XYLT1: variants seen among roughly 807,000 people sequenced by gnomAD.
XYLT1 encodes beta-D-xylosyltransferase 1.
XYLT1 carries 36 observed loss-of-function variants against 91.3 expected under a neutral mutation model. The observed-to-expected ratio is 0.39, with a 90% confidence interval of 0.30 to 0.52. The LOEUF is 0.52. Ranked by LOEUF, XYLT1 falls within the 20% of genes least tolerant of loss-of-function variation. The pLI, the probability that XYLT1 is intolerant of heterozygous loss-of-function variation, is 0.68. For synonymous variants in XYLT1, 588 were observed against 532.0 expected, an observed-to-expected ratio of 1.11 and a Z score of -1.45; for missense variants, 1,242 against 1,284.5, an observed-to-expected ratio of 0.97 and a Z score of 0.51.
At chr16:17,134,410 C>G in intron 9 of XYLT1, 63 bp downstream of exon 9, 3 of 1,590,334 alleles carry the variant, frequency 1.9e-6, no homozygotes, top group African/African-American at 1.3e-5. Context: ...GACCCCCACT[C>G]TGTACCCTGA....
intron 10 of XYLT1, among the ~76,000 whole-genome samples, chr16:17,125,824 T>G (rs1481146315): frequency 6.6e-6 from 1 of 152,176 alleles, no homozygotes; most frequent in Non-Finnish European, 1.5e-5. Context: ...CTGGTTTGTT[T>G]GGTTCACCAC....
At chr16:17,436,411 G>A (rs992945980) in intron 1 of XYLT1, among the ~76,000 whole-genome samples, 2 of 151,964 alleles carry the variant, frequency 1.3e-5, no homozygotes, top group African/African-American at 4.8e-5. Flanking sequence ...CCATGATATC[G>A]CCTTGCTTTC....
intron 2 of XYLT1, among the ~76,000 whole-genome samples, chr16:17,267,131 G>T (rs1173357085): frequency 6.6e-6 from 1 of 152,224 alleles, no homozygotes; most frequent in East Asian, 1.9e-4. Flanking sequence ...GAGTGAGACT[G>T]ATAGGGCTGG....
In XYLT1 at chr16:17,106,619, A is replaced by G. The variant is rs932342683; in HGVS notation, c.*2076T>C. Reference sequence around the variant, plus strand: ...GAAGGCAACCACGGAGCAAGCAGGAATGGCCCAAACTCTCTGCAGCTAGCA... The same window carrying G: ...GAAGGCAACCACGGAGCAAGCAGGAGTGGCCCAAACTCTCTGCAGCTAGCA... On this transcript the variant is annotated 3_prime_UTR_variant, in exon 12 of 12. Coordinates refer to ENST00000261381, the MANE Select transcript of XYLT1 (RefSeq NM_022166.4). The G allele has an allele frequency of 1.3e-5, 2 of 152,150 alleles. No individual in the cohort carries two copies. Among genetic ancestry groups the G allele is most frequent in the African/African-American group, 2.4e-5 (1 of 41,402 alleles). 9.4% of individuals were successfully genotyped at this position (152,150 alleles called of 1,614,324 possible).
intron 2 of XYLT1, among the ~76,000 whole-genome samples, chr16:17,339,782 T>A (rs2035038734): frequency 6.6e-6 from 1 of 152,146 alleles, no homozygotes; most frequent in African/African-American, 2.4e-5. Flanking sequence ...TAGGAATTTT[T>A]AAAAAATGAA....
intron 2 of XYLT1, among the ~76,000 whole-genome samples, chr16:17,354,259 G>A (rs57745188): frequency 0.013 from 1,929 of 152,222 alleles, 54 homozygotes; most frequent in African/African-American, 0.044. Context: ...AACCTTCCTC[G>A]GCTTCCTCAT....
At chr16:17,230,107 T>A (rs1008565880) in intron 3 of XYLT1, among the ~76,000 whole-genome samples, 9 of 152,222 alleles carry the variant, frequency 5.9e-5, no homozygotes, top group Admixed American at 5.2e-4. Context: ...ACCCTGCTCA[T>A]GCCTTGAGTG....
chr16:17,307,833 G>T (rs1346716272), intron 2 of XYLT1, among the ~76,000 whole-genome samples: 1 of 152,174 alleles, frequency 6.6e-6, no homozygotes, highest in African/African-American at 2.4e-5. Flanking sequence ...ACCCAGCAGG[G>T]GTAAGCACAG....
chr16:17,216,559 G>A (rs963376733), intron 3 of XYLT1, among the ~76,000 whole-genome samples: 1 of 146,632 alleles, frequency 6.8e-6, no homozygotes, highest in Non-Finnish European at 1.5e-5. Context: ...ATGCTGTCAC[G>A]TCACATAATG....
chr16:17,186,794 C>T (rs534132965), intron 5 of XYLT1, among the ~76,000 whole-genome samples: 6 of 152,290 alleles, frequency 3.9e-5, no homozygotes, highest in Admixed American at 6.5e-5. Flanking sequence ...GAGTCTGGCT[C>T]AGCCTGTCTT....
At chr16:17,277,910 T>A (rs888045252) in intron 2 of XYLT1, among the ~76,000 whole-genome samples, 11 of 152,068 alleles carry the variant, frequency 7.2e-5, no homozygotes, top group Non-Finnish European at 1.5e-4. Context: ...TCTCAGCAGG[T>A]TTATGAGCCA....
At chr16:17,403,111 C>G (rs946654091) in intron 1 of XYLT1, among the ~76,000 whole-genome samples, 1 of 152,196 alleles carries the variant, frequency 6.6e-6, no homozygotes, top group Non-Finnish European at 1.5e-5. Flanking sequence ...AAACAAGTAA[C>G]TGATGGTAAT....
At chr16:17,226,173 C>G (rs892642985) in intron 3 of XYLT1, among the ~76,000 whole-genome samples, 6 of 152,198 alleles carry the variant, frequency 3.9e-5, no homozygotes, top group Non-Finnish European at 8.8e-5. Flanking sequence ...TCCCTATTCT[C>G]TCTGCCATTC....
intron 6 of XYLT1, among the ~76,000 whole-genome samples, chr16:17,146,712 G>A (rs2031142730): frequency 1.3e-5 from 2 of 152,086 alleles, no homozygotes; most frequent in Non-Finnish European, 2.9e-5. Context: ...AATTCCCAAG[G>A]TACTCTCCAG....
intron 1 of XYLT1, among the ~76,000 whole-genome samples, chr16:17,364,935 C>T (rs770150409): frequency 1.3e-5 from 2 of 152,146 alleles, no homozygotes; most frequent in East Asian, 1.9e-4. Context: ...TTCTTACGTA[C>T]GCTGAACCGG....
At chr16:17,410,008 G>A (rs2036087320) in intron 1 of XYLT1, among the ~76,000 whole-genome samples, 1 of 152,142 alleles carries the variant, frequency 6.6e-6, no homozygotes, top group African/African-American at 2.4e-5. Context: ...CTCTGCTGTG[G>A]GTGATCATGT....
At chr16:17,454,343 T>C (rs952267163) in intron 1 of XYLT1, among the ~76,000 whole-genome samples, 4 of 152,296 alleles carry the variant, frequency 2.6e-5, no homozygotes, top group African/African-American at 9.6e-5. Context: ...CAATTACAAC[T>C]CTGTGAACCA....
At chr16:17,183,960 C>A (rs1412441511) in intron 5 of XYLT1, among the ~76,000 whole-genome samples, 1 of 152,138 alleles carries the variant, frequency 6.6e-6, no homozygotes, top group East Asian at 1.9e-4. Context: ...CCTTATCCCA[C>A]TTTTAATACA....
At chr16:17,264,183 C>T (rs2033767528) in intron 2 of XYLT1, among the ~76,000 whole-genome samples, 1 of 152,154 alleles carries the variant, frequency 6.6e-6, no homozygotes, top group African/African-American at 2.4e-5. Context: ...ATTGTGCATG[C>T]ATGATTGAGA....
Sources: allele counts gnomAD v4.1 joint callset (sites outside exome capture counted in the v4.1 genomes callset), GRCh38; gene constraint gnomAD v4.1.1; transcripts MANE v1.5; gene names NCBI Gene and HGNC (gene_info 2026-07-23, HGNC 2026-07-21).